ELAVL2: variants seen among roughly 807,000 people sequenced by gnomAD.
The protein encoded by ELAVL2 is ELAV like RNA binding protein 2.
ELAVL2 carries 4 observed loss-of-function variants against 34.6 expected under a neutral mutation model. The ratio of observed to expected loss-of-function variants is 0.12; its 90% CI spans 0.06 to 0.26. The LOEUF (loss-of-function observed/expected upper bound fraction) is 0.26. Among genes scored for constraint, ELAVL2 ranks in the 10% least tolerant of loss-of-function variants. The pLI is 1.00. For missense variants in ELAVL2, 432 were observed against 442.8 expected, an observed-to-expected ratio of 0.98 and a Z score of 0.22; for synonymous variants, 193 against 154.8, an observed-to-expected ratio of 1.25 and a Z score of -1.83.
At position 23,761,867 on chromosome 9, in the gene ELAVL2, T is replaced by A. The variant is rs1003953279; in HGVS notation, c.229+139A>T. The A allele has an allele frequency of 1.0e-5, 12 of 1,187,910 alleles. No homozygotes were observed. The African/African-American group carries it at 1.9e-4, about 18-fold the overall frequency. The allele number at this position is 1,187,910 out of a possible 1,614,324, so 73.6% of individuals were successfully genotyped here. A position where few individuals can be genotyped will look rare whatever the true frequency, so the allele number is the denominator to read the frequency against. ...AGAAAATTTTAAACTAAGTTTCATATTGCTGATGTAATAACAGAGAGAAAA... is the reference window on the plus strand; with the variant it reads ...AGAAAATTTTAAACTAAGTTTCATAATGCTGATGTAATAACAGAGAGAAAA... On this transcript the variant is annotated intron_variant, in intron 2 of 6. Coordinates refer to ENST00000397312, the MANE Select transcript of ELAVL2 (RefSeq NM_004432.5).
intron 1 of ELAVL2, among the ~76,000 whole-genome samples, chr9:23,802,283 A>G (rs765932827): frequency 1.3e-5 from 2 of 152,288 alleles, no homozygotes; most frequent in Non-Finnish European, 2.9e-5. Flanking sequence ...AGCGCTATAA[A>G]AAATACATTA....
At position 23,712,332 on chromosome 9, in the gene ELAVL2, G is replaced by A. The variant is rs116801797; in HGVS notation, c.334-7261C>T. Among the ~76,000 whole-genome samples, 485 of 152,190 alleles carry A rather than the reference G, an allele frequency of 3.2e-3. 3 individuals carry two copies. Among genetic ancestry groups the A allele is most frequent in the African/African-American group, 0.011 (470 of 41,544 alleles). ...ATCTTCCTGTGAAATGACAGTGACT[G>A]GGACAATAATCAGACATTTCCAAGG... On this transcript the variant is annotated intron_variant, in intron 3 of 6. Coordinates refer to ENST00000397312, the MANE Select transcript of ELAVL2 (RefSeq NM_004432.5).
intron 1 of ELAVL2, among the ~76,000 whole-genome samples, chr9:23,809,975 A>AT (rs1001429228): frequency 3.9e-5 from 6 of 152,134 alleles, no homozygotes; most frequent in African/African-American, 1.4e-4. Context: ...TTGACCTGCC[A>AT]TTTTTTTCTC....
At chr9:23,818,949 T>A (rs1490856063) in intron 1 of ELAVL2, among the ~76,000 whole-genome samples, 2 of 152,286 alleles carry the variant, frequency 1.3e-5, no homozygotes, top group South Asian at 2.1e-4. Context: ...ACAGGTTTTT[T>A]AAAAAAATGT....
At chr9:23,761,206 A>G (rs569505803) in intron 2 of ELAVL2, among the ~76,000 whole-genome samples, 7 of 152,232 alleles carry the variant, frequency 4.6e-5, no homozygotes, top group African/African-American at 1.7e-4. Flanking sequence ...AATTAACATG[A>G]AAAGTCCACA....
At chr9:23,775,129 T>G (rs1023718821) in intron 1 of ELAVL2, among the ~76,000 whole-genome samples, 3 of 152,240 alleles carry the variant, frequency 2.0e-5, no homozygotes, top group African/African-American at 7.2e-5. Flanking sequence ...ATGATCTCCC[T>G]GCCTTCTGGA....
intron 4 of ELAVL2, among the ~76,000 whole-genome samples, chr9:23,702,809 T>C (rs1387827272): frequency 2.0e-5 from 3 of 151,612 alleles, no homozygotes; most frequent in African/African-American, 4.8e-5. Flanking sequence ...TTCAGGTAAA[T>C]TGAGTAAGTT....
At chr9:23,736,770 C>T (rs2047999556) in intron 2 of ELAVL2, among the ~76,000 whole-genome samples, 1 of 152,198 alleles carries the variant, frequency 6.6e-6, no homozygotes, top group South Asian at 2.1e-4. Flanking sequence ...ATTCCAAAAA[C>T]AGCCATCCTC....
intron 3 of ELAVL2, 51 bp downstream of exon 3, chr9:23,730,971 T>A: frequency 6.6e-7 from 1 of 1,520,844 alleles, no homozygotes; most frequent in Non-Finnish European, 9.0e-7. Flanking sequence ...TAAATCTTAA[T>A]TTTTTTAAAC....
chr9:23,693,582 C>G (rs911291086), intron 5 of ELAVL2, 96 bp from the exon 6 acceptor site: 1 of 1,395,742 alleles, frequency 7.2e-7, no homozygotes, highest in Non-Finnish European at 1.0e-6. Flanking sequence ...GAGGGGATAT[C>G]TGTACACTGA....
rs2033417305 is a variant in ELAVL2, at chr9:23,692,320, A to T, written c.*237T>A. 4 of 462,352 alleles carry T rather than the reference A, an allele frequency of 8.7e-6. No homozygotes were observed. Among genetic ancestry groups the T allele is most frequent in the Non-Finnish European group, 1.5e-5 (4 of 263,154 alleles). 28.6% of individuals were successfully genotyped at this position (462,352 alleles called of 1,614,324 possible). On this transcript the variant is annotated 3_prime_UTR_variant, in exon 7 of 7. Transcript: ENST00000397312. Reference sequence around the variant, plus strand: ...TCTTCAAAGAAGGCAATAGAATGCAATGTGACAGGTAAAAACCCTGTACCT... The same window carrying T: ...TCTTCAAAGAAGGCAATAGAATGCATTGTGACAGGTAAAAACCCTGTACCT...
At chr9:23,825,049 G>A (rs1194613312) in intron 1 of ELAVL2, among the ~76,000 whole-genome samples, 8 of 152,160 alleles carry the variant, frequency 5.3e-5, no homozygotes, top group Admixed American at 2.0e-4. Context: ...CAGCTCCAAG[G>A]ATCTTATTTA....
chr9:23,810,043 A>G (rs927566839), intron 1 of ELAVL2, among the ~76,000 whole-genome samples: 6 of 152,196 alleles, frequency 3.9e-5, no homozygotes, highest in African/African-American at 9.6e-5. Context: ...TTTTTTTCAT[A>G]AACTTAACAA....
rs996274130 is a variant in ELAVL2, at chr9:23,704,978, G to T, written c.427C>A (p.Gln143Lys). 1 of 1,614,138 alleles carries T rather than the reference G, an allele frequency of 6.2e-7. No homozygotes were observed. The highest frequency in any genetic ancestry group is 8.5e-7 in the Non-Finnish European group (1 of 1,180,010). ...ATGCGTCCATATTGTGAAAAAAGCT[G>T]TTCCAACTCCTTCTGGGTCATTGTT... ...PKTMTQKELE[Q>K]LFSQYGRIIT... is the part of the protein sequence containing the mutation. The change falls in exon 4 of 7, where the codon CAG (glutamine) becomes AAG (lysine). Residue 143 changes from glutamine (Q) to lysine (K), a missense_variant. Gln to Lys is a moderately conservative substitution (Grantham distance 53). This residue lies in a region of ELAVL2 where 295 missense variants were observed against 306.1 expected (regional missense o/e 0.96). Transcript: ENST00000397312.
intron 1 of ELAVL2, among the ~76,000 whole-genome samples, chr9:23,809,434 A>G (rs2062678641): frequency 6.6e-6 from 1 of 152,200 alleles, no homozygotes; most frequent in African/African-American, 2.4e-5. Flanking sequence ...CAGGACATTA[A>G]GTAAACTTAA....
intron 1 of ELAVL2, among the ~76,000 whole-genome samples, chr9:23,785,048 A>T (rs1202696785): frequency 6.6e-6 from 1 of 152,216 alleles, no homozygotes; most frequent in Non-Finnish European, 1.5e-5. Flanking sequence ...GACAGTGATA[A>T]TAGATAATGT....
At chr9:23,717,377 G>GT (rs1201303906) in intron 3 of ELAVL2, among the ~76,000 whole-genome samples, 1 of 152,094 alleles carries the variant, frequency 6.6e-6, no homozygotes, top group Non-Finnish European at 1.5e-5. Flanking sequence ...CATTCCTATT[G>GT]TTTCTCTTAT....
chr9:23,703,496 A>C (rs2038191942), intron 4 of ELAVL2, among the ~76,000 whole-genome samples: 4 of 152,196 alleles, frequency 2.6e-5, no homozygotes, highest in Non-Finnish European at 1.5e-5. Context: ...CAAAATCTGT[A>C]GGCTATTCTC....
chr9:23,690,796 T>C lies in ELAVL2; in HGVS notation c.*1761A>G, dbSNP rs1351444923. ...TTCTCAGTGCATCCTGATGAAGGCA[T>C]TTTTGCCTTCAGCTTTTTTGAAAAT... is the stretch of plus-strand genomic sequence containing the variant. On this transcript the variant is annotated 3_prime_UTR_variant, in exon 7 of 7. Coordinates refer to ENST00000397312, the MANE Select transcript of ELAVL2 (RefSeq NM_004432.5). 2 of 152,568 alleles carry C rather than the reference T, an allele frequency of 1.3e-5. No homozygotes were observed. Among genetic ancestry groups the C allele is most frequent in the African/African-American group, 4.8e-5 (2 of 41,438 alleles). 9.5% of individuals were successfully genotyped at this position (152,568 alleles called of 1,614,324 possible). A position where few individuals can be genotyped will look rare whatever the true frequency, so the allele number is the denominator to read the frequency against.
Sources: gnomAD v4.1 joint callset for allele counts (sites outside exome capture counted in the v4.1 genomes callset) on GRCh38, gnomAD v4.1.1 for gene constraint, gnomAD v4.1.1 regional missense constraint, MANE v1.5 for transcripts, NCBI Gene and HGNC (gene_info 2026-07-23, HGNC 2026-07-21) for gene names.